The following NPAS3 variants were observed in gnomAD, a reference collection of about 807,000 sequenced individuals.
NPAS3 encodes the protein neuronal PAS domain protein 3, also known as neuronal PAS domain-containing protein 3.
In NPAS3, 14 loss-of-function variants were observed where a neutral mutation model predicts 73.1. The ratio of observed to expected loss-of-function variants is 0.19; its 90% CI spans 0.13 to 0.30. NPAS3 has a LOEUF of 0.30. Ranked by LOEUF, NPAS3 falls within the 10% of genes least tolerant of loss-of-function variation. The probability of loss-of-function intolerance (pLI) is 1.00; values close to 1 mark genes in which losing one functional copy is unlikely to be tolerated. For missense variants in NPAS3, 1,096 were observed against 1,250.0 expected, an observed-to-expected ratio of 0.88 and a Z score of 1.86; for synonymous variants, 620 against 541.5, an observed-to-expected ratio of 1.14 and a Z score of -2.01.
intron 3 of NPAS3, among the ~76,000 whole-genome samples, chr14:33,246,931 T>G (rs1289110479): frequency 6.6e-6 from 1 of 150,550 alleles, no homozygotes; most frequent in East Asian, 1.9e-4. Context: ...GGAGAATTGC[T>G]TGAACCTGGG....
Position 33,544,789 on chromosome 14 carries a change from T to TATAC in NPAS3, c.469-15329_469-15328insCATA, listed in dbSNP as rs1555409903. ...CATGTATGTGTTTATGTGTGTGTAT[T>TATAC]ATATATATATATATATATATATGTA... On this transcript the variant is annotated intron_variant, in intron 4 of 11. Coordinates refer to ENST00000356141, the Ensembl canonical transcript of NPAS3. 1.7e-4 allele frequency among the ~76,000 whole-genome samples: 13 copies of TATAC among 77,664 alleles called. 1 individual carries two copies. The highest frequency in any genetic ancestry group is 8.8e-4 in the African/African-American group (13 of 14,720). The allele number at this position is 77,664 out of a possible 152,430, so 51.0% of individuals were successfully genotyped here.
At chr14:33,506,027 C>T (rs952757106) in intron 4 of NPAS3, among the ~76,000 whole-genome samples, 1 of 151,960 alleles carries the variant, frequency 6.6e-6, no homozygotes, top group African/African-American at 2.4e-5. Flanking sequence ...ATAAGACTCC[C>T]TTCCTCTCAG....
chr14:33,745,144 G>C (rs1275027926), intron 7 of NPAS3, among the ~76,000 whole-genome samples: 1 of 152,164 alleles, frequency 6.6e-6, no homozygotes, highest in East Asian at 1.9e-4. Context: ...AGCTACTTAA[G>C]AGGCTGAGGC....
intron 7 of NPAS3, among the ~76,000 whole-genome samples, chr14:33,759,378 G>A (rs747092310): frequency 5.9e-5 from 9 of 152,330 alleles, no homozygotes; most frequent in Non-Finnish European, 1.2e-4. Context: ...AGGAAGCTCA[G>A]TATATTGTCT....
chr14:33,233,127 G>T (rs915057129), intron 3 of NPAS3, among the ~76,000 whole-genome samples: 2 of 152,152 alleles, frequency 1.3e-5, no homozygotes, highest in Non-Finnish European at 2.9e-5. Context: ...GACTGATCAA[G>T]TATTTGATAT....
At chr14:33,571,354 G>C (rs780911436) in intron 5 of NPAS3, among the ~76,000 whole-genome samples, 13 of 151,994 alleles carry the variant, frequency 8.6e-5, no homozygotes, top group Admixed American at 8.5e-4. Context: ...ACATTTTTTC[G>C]TAAGCACTGG....
At chr14:33,150,190 A>T (rs1038868003) in intron 2 of NPAS3, among the ~76,000 whole-genome samples, 15 of 152,154 alleles carry the variant, frequency 9.9e-5, no homozygotes, top group African/African-American at 3.6e-4. Context: ...CTATCATTAT[A>T]GCTATTCATG....
intron 2 of NPAS3, among the ~76,000 whole-genome samples, chr14:33,061,796 T>A (rs1262356488): frequency 6.6e-6 from 1 of 152,154 alleles, no homozygotes; most frequent in Non-Finnish European, 1.5e-5. Flanking sequence ...GACTGAGATA[T>A]CAATAAGTAA....
chr14:33,087,907 T>C lies in NPAS3; in HGVS notation c.140+31913T>C, dbSNP rs553469299. Among the ~76,000 whole-genome samples, 200 of 152,326 alleles carry C rather than the reference T, an allele frequency of 1.3e-3. 1 individual carries two copies. Among genetic ancestry groups the C allele is most frequent in the South Asian group, 2.7e-3 (13 of 4,830 alleles). ...TTTATATTCATAATTGTTTTCATAC[T>C]TCAGTAAGTACCTCACCCATCTGGA... On this transcript the variant is annotated intron_variant, in intron 2 of 11. Coordinates refer to ENST00000356141, the Ensembl canonical transcript of NPAS3.
intron 4 of NPAS3, among the ~76,000 whole-genome samples, chr14:33,556,900 G>A (rs1366911046): frequency 6.6e-6 from 1 of 152,140 alleles, no homozygotes; most frequent in African/African-American, 2.4e-5. Flanking sequence ...TTGTGTTGTT[G>A]CTCTAATTGA....
rs1321999528 is a variant in NPAS3 at position 33,800,719 on chromosome 14, G to A, written c.2412G>A (p.Pro804=). ...TGCAGGCGGGCAACGTCGTGCTCCC[G>A]CTGGTGCACAGGGTGACCGGGACCC... Residue 804 remains proline, a synonymous_variant, in exon 12 of 12, where the codon CCG becomes CCA. Coordinates refer to ENST00000356141, the Ensembl canonical transcript of NPAS3. The surrounding 1 kb of genome is among the most constrained non-coding windows in gnomAD (Gnocchi z 6.5). The A allele has an allele frequency of 6.4e-7, 1 of 1,550,782 alleles. No individual in the cohort carries two copies. Among genetic ancestry groups the A allele is most frequent in the African/African-American group, 1.4e-5 (1 of 73,510 alleles).
intron 5 of NPAS3, among the ~76,000 whole-genome samples, chr14:33,573,464 A>AAGAT (rs1472715992): frequency 1.3e-5 from 2 of 152,234 alleles, no homozygotes; most frequent in African/African-American, 4.8e-5. Context: ...ACAAATCATG[A>AAGAT]AGATAGAATG....
intron 1 of NPAS3, among the ~76,000 whole-genome samples, chr14:33,030,650 A>G (rs2039957474): frequency 6.6e-6 from 1 of 152,162 alleles, no homozygotes; most frequent in South Asian, 2.1e-4. Context: ...CTGGACAACA[A>G]GATACTCATA....
chr14:33,288,862 T>C (rs550212553), intron 3 of NPAS3, among the ~76,000 whole-genome samples: 1 of 152,286 alleles, frequency 6.6e-6, no homozygotes, highest in African/African-American at 2.4e-5. Context: ...TTTAAAATTA[T>C]TATGGAACCT....
At chr14:33,707,533 C>T (rs1214219274) in intron 6 of NPAS3, among the ~76,000 whole-genome samples, 2 of 151,640 alleles carry the variant, frequency 1.3e-5, no homozygotes, top group Non-Finnish European at 2.9e-5. Context: ...CTTCGCCTGT[C>T]CCAGAACAAC....
At chr14:33,643,209 C>T (rs1209406105) in intron 5 of NPAS3, among the ~76,000 whole-genome samples, 2 of 151,820 alleles carry the variant, frequency 1.3e-5, no homozygotes, top group Non-Finnish European at 2.9e-5. Flanking sequence ...TTATTCATAA[C>T]CAGTGATAGT....
intron 6 of NPAS3, chr14:33,680,739 T>C (rs2059912112): frequency 1.5e-6 from 1 of 677,184 alleles, no homozygotes; most frequent in Non-Finnish European, 2.7e-6. Flanking sequence ...TGTGAGTTCA[T>C]AGAGGGGAAA....
chr14:33,568,603 G>A (rs144828522), intron 5 of NPAS3, among the ~76,000 whole-genome samples: 3 of 152,260 alleles, frequency 2.0e-5, no homozygotes, highest in African/African-American at 7.2e-5. Context: ...TTGACCTTCT[G>A]GGAAGGAGGT....
At chr14:32,972,622 G>A (rs181632132) in intron 1 of NPAS3, among the ~76,000 whole-genome samples, 17 of 152,284 alleles carry the variant, frequency 1.1e-4, no homozygotes, top group Admixed American at 2.0e-4. Flanking sequence ...GGTTGCCCCT[G>A]CTCACCCATT....
Sources: allele counts gnomAD v4.1 joint callset (sites outside exome capture counted in the v4.1 genomes callset), GRCh38; gene constraint gnomAD v4.1.1; non-coding constraint Gnocchi (gnomAD v3.1); transcripts MANE v1.5; gene names NCBI Gene and HGNC (gene_info 2026-07-23, HGNC 2026-07-21).